NAV2: variants seen among roughly 807,000 people sequenced by gnomAD.
NAV2 encodes neuron navigator 2.
Under a neutral mutation model 223.2 loss-of-function variants are expected in NAV2, and 54 were observed. The observed-to-expected ratio is 0.24, with a 90% confidence interval of 0.19 to 0.30. NAV2 has a LOEUF of 0.30. Ranked by LOEUF, NAV2 falls within the 10% of genes least tolerant of loss-of-function variation. NAV2 has a pLI of 1.00. For synonymous variants in NAV2, 1,279 were observed against 1,239.3 expected (o/e 1.03, Z -0.67); for missense variants, 2,806 against 3,147.5 (o/e 0.89, Z 2.60).
intron 1 of NAV2, among the ~76,000 whole-genome samples, chr11:19,522,380 C>T (rs1228472771): frequency 1.3e-5 from 2 of 152,190 alleles, no homozygotes; most frequent in Admixed American, 6.5e-5. Context: ...TCTGTGTTTA[C>T]AGGAGTGTGG....
intron 6 of NAV2, among the ~76,000 whole-genome samples, chr11:19,900,678 G>A (rs1479704958): frequency 2.0e-5 from 3 of 152,154 alleles, no homozygotes; most frequent in Non-Finnish European, 4.4e-5. Context: ...CCAATCAATT[G>A]TCATAGAACT....
In NAV2 at chr11:19,998,400, C is replaced by T. The variant is rs1308118189; in HGVS notation, c.2768+14153C>T. 6.6e-6 allele frequency among the ~76,000 whole-genome samples: 1 copy of T among 152,168 alleles called. No individual in the cohort carries two copies. Among genetic ancestry groups the T allele is most frequent in the Non-Finnish European group, 1.5e-5 (1 of 68,034 alleles). ...AGCCTTCCAGGCCCACTGTACCCAC[C>T]AGGGCCTTCATGCGGTACGTTCTCC... On this transcript the variant is annotated intron_variant, in intron 11 of 37. Coordinates refer to ENST00000349880, the MANE Select transcript of NAV2 (RefSeq NM_145117.5). This position sits in a 1 kb window ranked among gnomAD's most constrained non-coding sequence, Gnocchi z 5.0.
At chr11:20,017,129 G>A (rs573479259) in intron 11 of NAV2, among the ~76,000 whole-genome samples, 1 of 152,250 alleles carries the variant, frequency 6.6e-6, no homozygotes, top group Admixed American at 6.5e-5. Flanking sequence ...AGGAATGGGG[G>A]AGATGCAGAG....
Position 19,946,390 on chromosome 11 carries a change from C to T in NAV2, c.2147-11C>T, listed in dbSNP as rs770368480. On this transcript the variant is annotated splice_polypyrimidine_tract_variant and intron_variant, in intron 8 of 37. Transcript: ENST00000349880. ...AGAGAATTAAACTAGTCTTAACCCT[C>T]ATCTTTCTAGGGGAAGATCCTGAGG... is the stretch of plus-strand genomic sequence containing the variant. 19 of 1,609,486 alleles carry T rather than the reference C, an allele frequency of 1.2e-5. No homozygotes were observed. The highest frequency in any genetic ancestry group is 1.6e-5 in the Non-Finnish European group (19 of 1,178,150).
rs150105969 is a variant in NAV2 at position 19,732,165 on chromosome 11, A to G, written c.267+18203A>G. Among the ~76,000 whole-genome samples, 368 of 152,176 alleles carry G rather than the reference A, an allele frequency of 2.4e-3. 2 individuals are homozygous for G. Among genetic ancestry groups the G allele is most frequent in the African/African-American group, 8.4e-3 (349 of 41,522 alleles). On this transcript the variant is annotated intron_variant, in intron 1 of 37. Transcript: ENST00000349880. ...TCCCTGCTACTCGGGAGGCTGAGGC[A>G]GGAGAATCGCTTGAACCCAGGAGGC...
chr11:19,878,462 G>T (rs1992524), intron 4 of NAV2, among the ~76,000 whole-genome samples: 1 of 151,954 alleles, frequency 6.6e-6, no homozygotes, highest in Non-Finnish European at 1.5e-5. Context: ...GGCCCGGAGA[G>T]ATTAAGTGAC....
intron 1 of NAV2, among the ~76,000 whole-genome samples, chr11:19,653,952 T>C (rs2048044195): frequency 6.6e-6 from 1 of 152,156 alleles, no homozygotes. Flanking sequence ...AGTCAAATTG[T>C]CCCTGTTTGC....
rs141060272 is a variant in NAV2 at position 19,946,420 on chromosome 11, G to A, written c.2166G>A (p.Arg722=). 6.2e-7 allele frequency: 1 copy of A among 1,612,794 alleles called. No homozygotes were observed. The highest frequency in any genetic ancestry group is 1.1e-5 in the South Asian group (1 of 90,642). ...TTCTAGGGGAAGATCCTGAGGCTCGGCGGCTGCGGACAGTGAAGAACATCG... is the reference window on the plus strand; with the variant it reads ...TTCTAGGGGAAGATCCTGAGGCTCGACGGCTGCGGACAGTGAAGAACATCG... The part of the protein sequence containing the change: ...EELTGEDPEA[R]RLRTVKNIAD... The change falls in exon 9 of 38, where the codon CGG becomes CGA. Residue 722 remains arginine (R), a synonymous_variant. Transcript: ENST00000349880.
intron 1 of NAV2, among the ~76,000 whole-genome samples, chr11:19,375,915 T>A (rs985240520): frequency 3.3e-5 from 5 of 152,224 alleles, no homozygotes; most frequent in Admixed American, 3.3e-4. Context: ...ATTATAAATA[T>A]CTTGGTAGAG....
rs1278518238 is a variant in NAV2 at position 19,637,624 on chromosome 11, A to G, written c.76-194860A>G. On this transcript the variant is annotated intron_variant, in intron 1 of 37. Transcript: ENST00000360655. ...GGGAGGCCTCAGGAAGCTTTTACTC[A>G]TGCAGAAGGCAAAGGGAGAGCAGGC... Among the ~76,000 whole-genome samples the G allele has an allele frequency of 2.0e-5, 3 of 152,266 alleles. No individual in the cohort carries two copies. In the East Asian group the frequency reaches 5.8e-4, roughly 29 times the overall value.
At chr11:19,707,768 T>C (rs932895309) in intron 1 of NAV2, among the ~76,000 whole-genome samples, 2 of 152,224 alleles carry the variant, frequency 1.3e-5, no homozygotes, top group African/African-American at 4.8e-5. Context: ...GCTATACTTT[T>C]ATAAAACTTG....
intron 1 of NAV2, among the ~76,000 whole-genome samples, chr11:19,622,273 T>C (rs377273390): frequency 2.6e-5 from 4 of 152,190 alleles, no homozygotes; most frequent in Non-Finnish European, 4.4e-5. Flanking sequence ...CTATTAGGTC[T>C]GCTTGGTGCA....
chr11:19,396,529 C>T (rs967746520), intron 1 of NAV2, among the ~76,000 whole-genome samples: 17 of 152,196 alleles, frequency 1.1e-4, no homozygotes, highest in African/African-American at 3.4e-4. Flanking sequence ...ATGGCGGCCA[C>T]ACTATGAGAT....
intron 1 of NAV2, among the ~76,000 whole-genome samples, chr11:19,794,252 C>T (rs1356690356): frequency 1.3e-5 from 2 of 152,186 alleles, no homozygotes; most frequent in African/African-American, 4.8e-5. Context: ...AGGCTTTCTT[C>T]TCACTCCATC....
chr11:19,599,134 T>C (rs192744981), intron 1 of NAV2, among the ~76,000 whole-genome samples: 1 of 152,230 alleles, frequency 6.6e-6, no homozygotes, highest in Non-Finnish European at 1.5e-5. Flanking sequence ...TTGGTCCTTT[T>C]CAATGTGTCC....
At chr11:19,876,125 A>C (rs2062818056) in intron 4 of NAV2, among the ~76,000 whole-genome samples, 1 of 152,162 alleles carries the variant, frequency 6.6e-6, no homozygotes, top group Non-Finnish European at 1.5e-5. Flanking sequence ...TCCCGGGTTC[A>C]AGCGATTCTC....
At chr11:19,640,042 C>A (rs2047619518) in intron 1 of NAV2, among the ~76,000 whole-genome samples, 3 of 152,156 alleles carry the variant, frequency 2.0e-5, no homozygotes. Flanking sequence ...TCTGTGACTA[C>A]CAGTGAAGAA....
Position 19,543,907 on chromosome 11 carries a change from A to G in NAV2, c.75+192880A>G, listed in dbSNP as rs144804215. Among the ~76,000 whole-genome samples the G allele has an allele frequency of 7.6e-3, 1,162 of 152,304 alleles. 18 individuals are homozygous for G. Among genetic ancestry groups the G allele is most frequent in the African/African-American group, 0.026 (1,092 of 41,556 alleles). On this transcript the variant is annotated intron_variant, in intron 1 of 37. Transcript: ENST00000360655. ...GGTTTGAGCTGAGGATAATCCATCA[A>G]TTATTACAATGAATGTGAGTGTACT...
chr11:19,526,832 A>T (rs1456531969), intron 1 of NAV2, among the ~76,000 whole-genome samples: 2 of 152,112 alleles, frequency 1.3e-5, no homozygotes, highest in East Asian at 3.9e-4. Context: ...TTTCTGTTAC[A>T]CAAAGTCCAT....
Sources: gnomAD v4.1 joint callset for allele counts (sites outside exome capture counted in the v4.1 genomes callset) on GRCh38, gnomAD v4.1.1 for gene constraint, Gnocchi (gnomAD v3.1) non-coding constraint, MANE v1.5 for transcripts, NCBI Gene and HGNC (gene_info 2026-07-23, HGNC 2026-07-21) for gene names.